The following TMEFF1 variants were observed in gnomAD, a reference collection of about 807,000 sequenced individuals.
The protein encoded by TMEFF1 is tomoregulin-1.
A neutral mutation model predicts 47.5 loss-of-function variants in TMEFF1; 20 were observed. The ratio of observed to expected loss-of-function variants is 0.42; its 90% CI spans 0.30 to 0.61. The LOEUF is 0.61. Among genes scored for constraint, TMEFF1 ranks in the 20% least tolerant of loss-of-function variants. The pLI is 0.19. For missense variants in TMEFF1, 411 were observed against 471.1 expected, an observed-to-expected ratio of 0.87 and a Z score of 1.18; for synonymous variants, 162 against 166.3, an observed-to-expected ratio of 0.97 and a Z score of 0.20.
At chr9:100,563,086 G>A (rs1202913392) in intron 8 of TMEFF1, among the ~76,000 whole-genome samples, 1 of 152,132 alleles carries the variant, frequency 6.6e-6, no homozygotes, top group Admixed American at 6.5e-5. Context: ...AAAGTGCTGG[G>A]ATTGCAGGTG....
intron 8 of TMEFF1, among the ~76,000 whole-genome samples, chr9:100,565,032 A>G (rs1049860280): frequency 1.3e-5 from 2 of 152,036 alleles, no homozygotes; most frequent in Middle Eastern, 3.2e-3. Flanking sequence ...AAGAGGGAGA[A>G]GGTTTGAGGG....
chr9:100,518,787 T>G (rs1035809590), intron 5 of TMEFF1, among the ~76,000 whole-genome samples: 2 of 152,148 alleles, frequency 1.3e-5, no homozygotes, highest in African/African-American at 4.8e-5. Flanking sequence ...CCAAGAAAGT[T>G]ATATAGTGGT....
intron 5 of TMEFF1, among the ~76,000 whole-genome samples, chr9:100,539,754 A>T (rs1838591837): frequency 2.0e-5 from 3 of 152,166 alleles, no homozygotes; most frequent in Admixed American, 6.5e-5. Context: ...CTGCTGGCTT[A>T]GGCAGCCTGC....
intron 1 of TMEFF1, among the ~76,000 whole-genome samples, chr9:100,475,167 T>C (rs1837197326): frequency 6.6e-6 from 1 of 152,194 alleles, no homozygotes; most frequent in Non-Finnish European, 1.5e-5. Context: ...GCATTATTTC[T>C]GGAAGAGTGA....
intron 5 of TMEFF1, among the ~76,000 whole-genome samples, chr9:100,527,857 G>A (rs1045943166): frequency 6.6e-6 from 1 of 152,330 alleles, no homozygotes; most frequent in East Asian, 1.9e-4. Flanking sequence ...CAGCTTTGAC[G>A]AGAGCAGTGG....
chr9:100,481,545 T>C (rs964449633), intron 1 of TMEFF1, among the ~76,000 whole-genome samples: 1 of 152,186 alleles, frequency 6.6e-6, no homozygotes, highest in Admixed American at 6.5e-5. Context: ...GCCACCACAT[T>C]AAGGTCTTCA....
chr9:100,509,774 A>AG (rs1481013074), intron 3 of TMEFF1, among the ~76,000 whole-genome samples: 1 of 139,072 alleles, frequency 7.2e-6, no homozygotes, highest in African/African-American at 2.8e-5. Context: ...ACTCCATCTC[A>AG]GAAAAAAAAA....
At chr9:100,543,704 A>ACTAACACTAACATAAAACACAC (rs1838677051) in intron 5 of TMEFF1, among the ~76,000 whole-genome samples, 1 of 138,824 alleles carries the variant, frequency 7.2e-6, no homozygotes, top group African/African-American at 2.7e-5. Context: ...GATGAAGTAA[A>ACTAACACTAACATAAAACACAC]ACACACACAC....
chr9:100,534,959 C>G (rs1838474671), intron 5 of TMEFF1, among the ~76,000 whole-genome samples: 1 of 152,098 alleles, frequency 6.6e-6, no homozygotes, highest in African/African-American at 2.4e-5. Flanking sequence ...TTGTAAAGGG[C>G]TAGATGGTAA....
At chr9:100,561,874 T>C (rs1290099768) in intron 8 of TMEFF1, among the ~76,000 whole-genome samples, 1 of 152,036 alleles carries the variant, frequency 6.6e-6, no homozygotes, top group African/African-American at 2.4e-5. Flanking sequence ...GTAACTCAAA[T>C]AAAATATGTG....
chr9:100,473,571 G>T lies in TMEFF1; in HGVS notation c.27G>T (p.Pro9=), dbSNP rs77849433. The part of the protein sequence containing the change: MGAAAAEA[P]LRLPAAPPLA... ...TGGGCGCCGCAGCCGCTGAGGCGCC[G>T]CTCCGGCTGCCTGCCGCGCCTCCGC... The change falls in exon 1 of 10, where the codon CCG becomes CCT. Residue 9 remains proline (P), a synonymous_variant. Transcript: ENST00000374879. This position sits in a 1 kb window ranked among gnomAD's most constrained non-coding sequence, Gnocchi z 5.4. The T allele has an allele frequency of 0.13, 203,906 of 1,540,850 alleles. 14,595 individuals are homozygous for T. The highest frequency in any genetic ancestry group is 0.2 in the Middle Eastern group (1,086 of 5,352).
At chr9:100,547,622 C>T in intron 5 of TMEFF1, 122 bp from the exon 6 acceptor site, 3 of 1,207,696 alleles carry the variant, frequency 2.5e-6, no homozygotes, top group East Asian at 2.9e-5. Context: ...TCATCAGTGA[C>T]TTAAAACAAT....
chr9:100,509,438 G>A (rs190984003), intron 3 of TMEFF1, among the ~76,000 whole-genome samples: 9 of 152,256 alleles, frequency 5.9e-5, no homozygotes, highest in African/African-American at 2.2e-4. Flanking sequence ...TGAGCTTTGA[G>A]GTGGGGAATG....
intron 5 of TMEFF1, among the ~76,000 whole-genome samples, chr9:100,535,922 G>C (rs1838495206): frequency 6.6e-6 from 1 of 152,084 alleles, no homozygotes; most frequent in Non-Finnish European, 1.5e-5. Context: ...CTTACCTGTA[G>C]CCATGAGAAT....
At chr9:100,566,609 A>G (rs1004476868) in intron 8 of TMEFF1, among the ~76,000 whole-genome samples, 104 of 152,300 alleles carry the variant, frequency 6.8e-4, no homozygotes, top group Middle Eastern at 3.4e-3. Flanking sequence ...GTGCAGGCCA[A>G]TGTTTTCCTG....
chr9:100,534,071 G>A (rs969274940), intron 5 of TMEFF1, among the ~76,000 whole-genome samples: 4 of 152,178 alleles, frequency 2.6e-5, no homozygotes, highest in Non-Finnish European at 5.9e-5. Flanking sequence ...CCAGGAGGCT[G>A]TGTGGGGAAG....
Position 100,473,317 on chromosome 9 carries a change from GCGCGCCCGCGACCCTCGCA to G in TMEFF1, c.-219_-201del, listed in dbSNP as rs912535269. 2 of 183,052 alleles carry G rather than the reference GCGCGCCCGCGACCCTCGCA, an allele frequency of 1.1e-5. No individual in the cohort carries two copies. Among genetic ancestry groups the G allele is most frequent in the African/African-American group, 4.8e-5 (2 of 41,818 alleles). The allele number at this position is 183,052 out of a possible 1,614,324, so 11.3% of individuals were successfully genotyped here. A position where few individuals can be genotyped will look rare whatever the true frequency, so the allele number is the denominator to read the frequency against. On this transcript the variant is annotated 5_prime_UTR_variant, in exon 1 of 10. Coordinates refer to ENST00000374879, the MANE Select transcript of TMEFF1 (RefSeq NM_003692.5). The surrounding 1 kb of genome is among the most constrained non-coding windows in gnomAD (Gnocchi z 5.4). ...GGCTCGCACCCTCGCGCGCACCCTT[GCGCGCCCGCGACCCTCGCA>G]CGCGCCCGGACCCGCCGACTCCGTC... is the stretch of plus-strand genomic sequence containing the variant.
chr9:100,541,348 A>ATT (rs34971752), intron 5 of TMEFF1, among the ~76,000 whole-genome samples: 1 of 106,796 alleles, frequency 9.4e-6, no homozygotes, highest in Non-Finnish European at 2.0e-5. Context: ...TGGCAATTTC[A>ATT]TTTTTTTTTT....
At chr9:100,553,303 TTTTA>T (rs797000332) in intron 7 of TMEFF1, among the ~76,000 whole-genome samples, 3 of 152,334 alleles carry the variant, frequency 2.0e-5, no homozygotes, top group Admixed American at 6.5e-5. Context: ...CCTCATTTAC[TTTTA>T]TTTATTTATT....
Sources: gnomAD v4.1 joint callset for allele counts (sites outside exome capture counted in the v4.1 genomes callset) on GRCh38, gnomAD v4.1.1 for gene constraint, Gnocchi (gnomAD v3.1) non-coding constraint, MANE v1.5 for transcripts, NCBI Gene and HGNC (gene_info 2026-07-23, HGNC 2026-07-21) for gene names.